CDC42SE2: variants seen among roughly 807,000 people sequenced by gnomAD.
The protein encoded by CDC42SE2 is CDC42 small effector protein 2.
CDC42SE2 carries 3 observed loss-of-function variants against 11.5 expected under a neutral mutation model. The ratio of observed to expected loss-of-function variants is 0.26; its 90% CI spans 0.12 to 0.67. The LOEUF (loss-of-function observed/expected upper bound fraction) is 0.67, where lower values mean the gene tolerates loss of function less well. Among genes scored for constraint, CDC42SE2 ranks in the 30% least tolerant of loss-of-function variants. The probability of loss-of-function intolerance (pLI) is 0.80; values close to 1 mark genes in which losing one functional copy is unlikely to be tolerated. For synonymous variants in CDC42SE2, 33 were observed against 34.8 expected, an observed-to-expected ratio of 0.95 and a Z score of 0.18; for missense variants, 82 against 106.8, an observed-to-expected ratio of 0.77 and a Z score of 1.02.
intron 3 of CDC42SE2, among the ~76,000 whole-genome samples, chr5:131,363,761 T>A (rs1415871299): frequency 6.7e-6 from 1 of 148,872 alleles, no homozygotes; most frequent in Non-Finnish European, 1.5e-5. Flanking sequence ...AGTGGTGCGA[T>A]CTTGGCTCAC....
intron 1 of CDC42SE2, among the ~76,000 whole-genome samples, chr5:131,270,510 C>T (rs917569961): frequency 3.9e-5 from 6 of 151,956 alleles, no homozygotes; most frequent in Admixed American, 2.6e-4. Flanking sequence ...TGTTTTACAC[C>T]GTATATATAG....
chr5:131,365,088 G>A (rs906751010), intron 3 of CDC42SE2, among the ~76,000 whole-genome samples: 1 of 152,034 alleles, frequency 6.6e-6, no homozygotes, highest in Non-Finnish European at 1.5e-5. Context: ...TCAGGAGTTC[G>A]AGACCAGCCT....
chr5:131,228,591 G>A, the CDC42SE2 span, among the ~76,000 whole-genome samples: 8 of 152,152 alleles, frequency 5.3e-5, no homozygotes, highest in African/African-American at 1.9e-4. Flanking sequence ...TTTTCCTATA[G>A]TGCAAATACC....
rs768705862 is a variant in CDC42SE2 at position 131,385,524 on chromosome 5, T to A, written c.55-19T>A. Reference sequence around the variant, plus strand: ...CTCATAAGATCACTTTCTCAACACATTTGTTCCCCATATTTTAGAAAAGGC... The same window carrying A: ...CTCATAAGATCACTTTCTCAACACAATTGTTCCCCATATTTTAGAAAAGGC... On this transcript the variant is annotated intron_variant, in intron 3 of 4. Coordinates refer to ENST00000505065, the MANE Select transcript of CDC42SE2 (RefSeq NM_001375635.1). 2 of 1,573,444 alleles carry A rather than the reference T, an allele frequency of 1.3e-6. No homozygotes were observed. Among genetic ancestry groups the A allele is most frequent in the Non-Finnish European group, 1.7e-6 (2 of 1,143,896 alleles).
chr5:131,369,862 CA>C (rs1412439052), intron 3 of CDC42SE2, among the ~76,000 whole-genome samples: 2 of 152,124 alleles, frequency 1.3e-5, no homozygotes, highest in African/African-American at 2.4e-5. Flanking sequence ...TAAACTGAAG[CA>C]GATTAAAGTG....
chr5:131,265,255 G>A (rs1172180103), intron 1 of CDC42SE2, among the ~76,000 whole-genome samples: 2 of 151,960 alleles, frequency 1.3e-5, no homozygotes, highest in African/African-American at 2.4e-5. Context: ...GAGAGAAGTT[G>A]GTATACATTT....
At chr5:131,337,114 C>G (rs1187783752) in intron 2 of CDC42SE2, among the ~76,000 whole-genome samples, 2 of 152,210 alleles carry the variant, frequency 1.3e-5, no homozygotes, top group African/African-American at 4.8e-5. Context: ...TACTTTTGGT[C>G]TTTGATGATG....
In CDC42SE2 at chr5:131,316,141, A is replaced by C. The variant is rs888959757; in HGVS notation, c.-289A>C. On this transcript the variant is annotated 5_prime_UTR_variant, in exon 2 of 5. Coordinates refer to ENST00000505065, the MANE Select transcript of CDC42SE2 (RefSeq NM_001375635.1). ...TGAATGTGTTACTCCATTGCTGAGGAGTGGTAAGTCTGATAATCTCCACTG... is the reference window on the plus strand; with the variant it reads ...TGAATGTGTTACTCCATTGCTGAGGCGTGGTAAGTCTGATAATCTCCACTG... 2 of 152,342 alleles carry C rather than the reference A, an allele frequency of 1.3e-5. No homozygotes were observed. Among genetic ancestry groups the C allele is most frequent in the East Asian group, 3.7e-4 (2 of 5,336 alleles). The allele number at this position is 152,342 out of a possible 1,614,324, so 9.4% of individuals were successfully genotyped here.
At chr5:131,386,469 A>G (rs1290173538) in intron 4 of CDC42SE2, among the ~76,000 whole-genome samples, 4 of 152,256 alleles carry the variant, frequency 2.6e-5, no homozygotes, top group Non-Finnish European at 5.9e-5. Flanking sequence ...GAATTTTCAC[A>G]TATCCCTTTA....
chr5:131,238,428 G>A, the CDC42SE2 span, among the ~76,000 whole-genome samples: 1 of 151,026 alleles, frequency 6.6e-6, no homozygotes, highest in African/African-American at 2.4e-5. Flanking sequence ...GTGTGAACCC[G>A]GGAGGCAGAG....
intron 1 of CDC42SE2, among the ~76,000 whole-genome samples, chr5:131,309,255 T>C (rs1312376147): frequency 1.3e-5 from 2 of 150,980 alleles, no homozygotes; most frequent in African/African-American, 4.8e-5. Context: ...CATTTATTGA[T>C]TTGCGTATAT....
chr5:131,239,129 C>T, the CDC42SE2 span, among the ~76,000 whole-genome samples: 1 of 151,116 alleles, frequency 6.6e-6, no homozygotes, highest in Non-Finnish European at 1.5e-5. Flanking sequence ...CACTGCACTC[C>T]AGCCTGGGCG....
At chr5:131,252,478 A>G (rs1668615423) in intron 1 of CDC42SE2, among the ~76,000 whole-genome samples, 1 of 152,064 alleles carries the variant, frequency 6.6e-6, no homozygotes, top group African/African-American at 2.4e-5. Context: ...ACATGGTGAA[A>G]CCCCGTCTCT....
At chr5:131,220,479 A>G in the CDC42SE2 span, among the ~76,000 whole-genome samples, 1 of 152,210 alleles carries the variant, frequency 6.6e-6, no homozygotes, top group Non-Finnish European at 1.5e-5. Context: ...TGCTAGGATT[A>G]CAGGCATGAG....
chr5:131,275,890 G>A (rs573578071), intron 1 of CDC42SE2, among the ~76,000 whole-genome samples: 22 of 151,288 alleles, frequency 1.5e-4, no homozygotes, highest in Non-Finnish European at 2.9e-4. Context: ...AAAAAAAAAA[G>A]CGTATATTTA....
intron 3 of CDC42SE2, among the ~76,000 whole-genome samples, chr5:131,364,528 A>G (rs1011418830): frequency 6.6e-6 from 1 of 152,206 alleles, no homozygotes; most frequent in African/African-American, 2.4e-5. Context: ...GAAATAGGAA[A>G]TCATTGAATG....
upstream of CDC42SE2, among the ~76,000 whole-genome samples, chr5:131,245,223 G>A (rs879740452): frequency 1.2e-4 from 19 of 152,128 alleles, no homozygotes; most frequent in African/African-American, 2.9e-4. Context: ...GGTTATTTTC[G>A]GGTTTTGGTG....
Position 131,339,793 on chromosome 5 carries a change from G to A in CDC42SE2, c.-285-19416G>A, listed in dbSNP as rs1207831302. Among the ~76,000 whole-genome samples, 9 of 146,850 alleles carry A rather than the reference G, an allele frequency of 6.1e-5. No homozygotes were observed. In the East Asian group the frequency reaches 1.8e-3, roughly 29 times the overall value. On this transcript the variant is annotated intron_variant, in intron 2 of 4. Transcript: ENST00000505065. ...CCACTGCACTCTAGCCTGAATGACA[G>A]AGCAAGACCCCATCTCAAAAAAAAA...
the CDC42SE2 span, among the ~76,000 whole-genome samples, chr5:131,233,944 A>T: frequency 6.6e-6 from 1 of 152,182 alleles, no homozygotes; most frequent in African/African-American, 2.4e-5. Context: ...CCATCAACCT[A>T]TAGGTCCCTA....
Sources: allele counts gnomAD v4.1 joint callset (sites outside exome capture counted in the v4.1 genomes callset), GRCh38; gene constraint gnomAD v4.1.1; transcripts MANE v1.5; gene names NCBI Gene and HGNC (gene_info 2026-07-23, HGNC 2026-07-21).